Variants in SOX6 observed in about 807,000 individuals in gnomAD.
SOX6 encodes transcription factor SOX-6.
A neutral mutation model predicts 97.8 loss-of-function variants in SOX6; 11 were observed. The observed-to-expected ratio is 0.11, with a 90% CI of 0.07 to 0.19. The LOEUF (loss-of-function observed/expected upper bound fraction) is 0.19, where lower values mean the gene tolerates loss of function less well. Ranked by LOEUF, SOX6 falls within the 10% of genes least tolerant of loss-of-function variation. The pLI, the probability that SOX6 is intolerant of heterozygous loss-of-function variation, is 1.00. For synonymous variants in SOX6, 360 were observed against 371.4 expected, an observed-to-expected ratio of 0.97 and a Z score of 0.35; for missense variants, 810 against 1,039.5, an observed-to-expected ratio of 0.78 and a Z score of 3.04.
intron 1 of SOX6, among the ~76,000 whole-genome samples, chr11:16,383,408 A>T (rs1381630097): frequency 6.6e-6 from 1 of 151,952 alleles, no homozygotes; most frequent in East Asian, 1.9e-4. Context: ...CTTAAGCATA[A>T]CTGTAGCATA....
At chr11:16,176,133 G>C (rs549021350) in intron 6 of SOX6, among the ~76,000 whole-genome samples, 1 of 151,830 alleles carries the variant, frequency 6.6e-6, no homozygotes, top group African/African-American at 2.4e-5. Flanking sequence ...GAGAGAGAGA[G>C]AGATTCAACC....
chr11:16,545,321 T>C (rs1847605794), intron 4 of SOX6, among the ~76,000 whole-genome samples: 1 of 150,276 alleles, frequency 6.7e-6, no homozygotes. Context: ...ATCCAAAAAC[T>C]TTAACAAAGT....
chr11:16,597,740 T>C (rs1356856049), intron 4 of SOX6, among the ~76,000 whole-genome samples: 1 of 151,994 alleles, frequency 6.6e-6, no homozygotes, highest in Admixed American at 6.5e-5. Flanking sequence ...AAAGAGAACT[T>C]CTTAACTGAT....
chr11:16,096,903 A>G (rs952635468), intron 8 of SOX6, among the ~76,000 whole-genome samples: 10 of 151,822 alleles, frequency 6.6e-5, no homozygotes, highest in African/African-American at 2.4e-4. Context: ...ATACAAATAT[A>G]CATTCATATT....
intron 9 of SOX6, among the ~76,000 whole-genome samples, chr11:16,059,045 TCTTTTTGG>T (rs1564931010): frequency 6.6e-6 from 1 of 152,106 alleles, no homozygotes; most frequent in East Asian, 1.9e-4. Flanking sequence ...TGGGCTTGAT[TCTTTTTGG>T]CTTTACACTC....
chr11:16,218,323 T>C (rs1852431622), intron 4 of SOX6, among the ~76,000 whole-genome samples: 1 of 152,098 alleles, frequency 6.6e-6, no homozygotes, highest in Non-Finnish European at 1.5e-5. Context: ...ATCAATTGAA[T>C]TATATGAAAT....
chr11:16,672,820 G>C (rs1847856748), intron 3 of SOX6, among the ~76,000 whole-genome samples: 1 of 152,058 alleles, frequency 6.6e-6, no homozygotes, highest in Admixed American at 6.5e-5. Context: ...TCAAAATAAA[G>C]GGATGGAAGA....
chr11:16,423,195 C>T (rs1039544811), intron 1 of SOX6, among the ~76,000 whole-genome samples: 6 of 152,006 alleles, frequency 3.9e-5, no homozygotes, highest in African/African-American at 1.5e-4. Flanking sequence ...AACAGACAAG[C>T]TCCTCACTCT....
At chr11:16,319,087 A>G (rs1235367239) in intron 2 of SOX6, among the ~76,000 whole-genome samples, 1 of 152,178 alleles carries the variant, frequency 6.6e-6, no homozygotes, top group Non-Finnish European at 1.5e-5. Flanking sequence ...AAAGGAGTAC[A>G]TCATAAAAAA....
In SOX6 at chr11:16,208,437, C is replaced by A. The variant is rs574607879; in HGVS notation, c.536-21482G>T. On this transcript the variant is annotated intron_variant, in intron 4 of 15. Coordinates refer to ENST00000683767, the MANE Select transcript of SOX6 (RefSeq NM_001367873.1). ...AAGCAATGGTGAGTGAAATTCCTGG[C>A]GCTTTCGCACAAATTAAGGCAGTGG... Among the ~76,000 whole-genome samples, 732 of 152,256 alleles carry A rather than the reference C, an allele frequency of 4.8e-3. 6 individuals are homozygous for A. The highest frequency in any genetic ancestry group is 7.2e-3 in the Non-Finnish European group (487 of 68,020).
intron 13 of SOX6, among the ~76,000 whole-genome samples, chr11:15,990,686 T>C (rs1341571159): frequency 6.6e-6 from 1 of 152,194 alleles, no homozygotes; most frequent in Non-Finnish European, 1.5e-5. Flanking sequence ...TCCTACAGAC[T>C]GAGAACTTCT....
At chr11:16,437,474 A>G (rs909664928) in intron 1 of SOX6, among the ~76,000 whole-genome samples, 2 of 152,224 alleles carry the variant, frequency 1.3e-5, no homozygotes, top group African/African-American at 2.4e-5. Flanking sequence ...ATATATTGCA[A>G]GTTCTCAAAG....
intron 1 of SOX6, among the ~76,000 whole-genome samples, chr11:16,366,897 A>T (rs997693309): frequency 9.2e-5 from 14 of 152,200 alleles, no homozygotes; most frequent in African/African-American, 3.4e-4. Flanking sequence ...CATCGAAGTG[A>T]ATAAGCTCTA....
intron 1 of SOX6, among the ~76,000 whole-genome samples, chr11:16,450,613 C>T (rs1382718869): frequency 1.3e-5 from 2 of 152,166 alleles, no homozygotes; most frequent in African/African-American, 4.8e-5. Flanking sequence ...CACATTTAAC[C>T]ATCTGCACAA....
At chr11:16,271,963 GATTA>G (rs1186847305) in intron 3 of SOX6, among the ~76,000 whole-genome samples, 1 of 150,346 alleles carries the variant, frequency 6.7e-6, no homozygotes, top group Non-Finnish European at 1.5e-5. Flanking sequence ...TAATTTTACT[GATTA>G]ATTATATTAA....
intron 3 of SOX6, chr11:16,318,091 A>T: frequency 2.5e-6 from 1 of 397,962 alleles, no homozygotes; most frequent in South Asian, 2.0e-5. Context: ...ATTTTTATAA[A>T]GAAATACTAT....
chr11:16,183,643 C>T (rs1851398464), intron 6 of SOX6, among the ~76,000 whole-genome samples: 1 of 151,810 alleles, frequency 6.6e-6, no homozygotes, highest in Admixed American at 6.6e-5. Flanking sequence ...TAGTGTTAGG[C>T]AAAAGGCAAA....
At chr11:16,154,911 T>C (rs1444423475) in intron 6 of SOX6, among the ~76,000 whole-genome samples, 1 of 152,078 alleles carries the variant, frequency 6.6e-6, no homozygotes, top group Non-Finnish European at 1.5e-5. Flanking sequence ...ATATTTTAGT[T>C]CTTATTCATG....
rs531682005 is a variant in SOX6, at chr11:16,007,583, C to T, written c.1732+7359G>A. 6.6e-5 allele frequency among the ~76,000 whole-genome samples: 10 copies of T among 152,206 alleles called. No individual in the cohort carries two copies. In the South Asian group the frequency reaches 2.1e-3, roughly 32 times the overall value. ...ATCAAAGTTTGGTCTCAATTCCAAT[C>T]CTGACCTTAAACAGAGAGAATTTAA... On this transcript the variant is annotated intron_variant, in intron 13 of 15. Transcript: ENST00000683767.
Sources: allele counts gnomAD v4.1 joint callset (sites outside exome capture counted in the v4.1 genomes callset), GRCh38; gene constraint gnomAD v4.1.1; transcripts MANE v1.5; gene names NCBI Gene and HGNC (gene_info 2026-07-23, HGNC 2026-07-21).